TM9SF2: variants seen among roughly 807,000 people sequenced by gnomAD.
TM9SF2 encodes the protein transmembrane 9 superfamily member 2, also known as 76 kDa membrane protein.
In TM9SF2, 13 loss-of-function variants were observed where a neutral mutation model predicts 84.9. The observed-to-expected ratio is 0.15, with a 90% CI of 0.10 to 0.24. The LOEUF is 0.24. Among genes scored for constraint, TM9SF2 ranks in the 10% least tolerant of loss-of-function variants. TM9SF2 has a pLI of 1.00. For missense variants in TM9SF2, 562 were observed against 818.5 expected, an observed-to-expected ratio of 0.69 and a Z score of 3.82; for synonymous variants, 273 against 285.8, an observed-to-expected ratio of 0.96 and a Z score of 0.45.
chr13:99,509,294 C>G (rs1160523733), intron 1 of TM9SF2, among the ~76,000 whole-genome samples: 1 of 152,150 alleles, frequency 6.6e-6, no homozygotes, highest in African/African-American at 2.4e-5. Flanking sequence ...GACAATGTCC[C>G]CCTTCTCACA....
At chr13:99,547,239 C>A in intron 11 of TM9SF2, 135 bp downstream of exon 11, 1 of 1,256,080 alleles carries the variant, frequency 8.0e-7, no homozygotes. Flanking sequence ...TTAAAAGGAG[C>A]CTGCTTGGTG....
intron 7 of TM9SF2, 195 bp from the exon 8 acceptor site, chr13:99,540,519 C>A: frequency 1.9e-5 from 4 of 215,434 alleles, no homozygotes; most frequent in Non-Finnish European, 3.4e-5. Flanking sequence ...TTTTTGGTTG[C>A]ATAATCTTAC....
intron 1 of TM9SF2, among the ~76,000 whole-genome samples, chr13:99,516,381 G>C (rs1340400926): frequency 6.6e-6 from 1 of 152,208 alleles, no homozygotes; most frequent in Admixed American, 6.5e-5. Context: ...CTCATGACTA[G>C]TCCAAAGGCA....
intron 13 of TM9SF2, 126 bp downstream of exon 13, chr13:99,552,452 G>A (rs2046309099): frequency 1.0e-6 from 1 of 983,978 alleles, no homozygotes; most frequent in Non-Finnish European, 1.5e-6. Context: ...GGATTTCATA[G>A]AATATTTTTA....
chr13:99,544,027 A>G (rs1233801080), intron 10 of TM9SF2, 32 bp downstream of exon 10: 1 of 1,609,682 alleles, frequency 6.2e-7, no homozygotes, highest in Non-Finnish European at 8.5e-7. Flanking sequence ...TCAAGTAGAA[A>G]ATACTTTCTA....
chr13:99,541,620 C>T lies in TM9SF2; in HGVS notation c.970C>T (p.Arg324Trp). The T allele has an allele frequency of 1.9e-6, 3 of 1,613,044 alleles. No homozygotes were observed. Among genetic ancestry groups the T allele is most frequent in the Non-Finnish European group, 1.7e-6 (2 of 1,179,486 alleles). ...LSGMVAMIML[R>W]TLHKDIARYN... ...TGGAATGGTAGCTATGATTATGTTA[C>T]GGACACTGCACAAAGATATTGCTAG... Residue 324 changes from arginine to tryptophan, a missense_variant, in exon 9 of 17, where the codon CGG becomes TGG. Transcript: ENST00000376387.
intron 1 of TM9SF2, among the ~76,000 whole-genome samples, chr13:99,516,628 A>G (rs2046135788): frequency 6.6e-6 from 1 of 152,192 alleles, no homozygotes; most frequent in African/African-American, 2.4e-5. Context: ...AGGAAAGTGT[A>G]GCTTAAAATT....
At position 99,517,737 on chromosome 13, in the gene TM9SF2, G is replaced by T; in HGVS notation, c.239+56G>T. Reference sequence around the variant, plus strand: ...ATTTTATGTGACTCATCAGAATTTTGTACATTGAGAACTTTGTTTTCTCAC... The same window carrying T: ...ATTTTATGTGACTCATCAGAATTTTTTACATTGAGAACTTTGTTTTCTCAC... On this transcript the variant is annotated intron_variant, in intron 2 of 16. Transcript: ENST00000376387. 3 of 1,251,380 alleles carry T rather than the reference G, an allele frequency of 2.4e-6. No individual in the cohort carries two copies. The South Asian group carries it at 4.3e-5, about 18-fold the overall frequency. 77.5% of individuals were successfully genotyped at this position (1,251,380 alleles called of 1,614,324 possible).
chr13:99,520,033 C>G lies in TM9SF2; in HGVS notation c.240-3C>G, dbSNP rs778563838. The G allele has an allele frequency of 5.3e-5, 86 of 1,611,452 alleles. No homozygotes were observed. The highest frequency in any genetic ancestry group is 7.1e-5 in the Non-Finnish European group (84 of 1,179,220). On this transcript the variant is annotated splice_polypyrimidine_tract_variant and splice_region_variant and intron_variant, in intron 2 of 16. Transcript: ENST00000376387. ...TGTAAAAATTTAAATATTCTTCTCC[C>G]AGGTTTGATTTTTGCCAAGCATCAG...
chr13:99,502,609 T>C (rs2046071545), intron 1 of TM9SF2, among the ~76,000 whole-genome samples: 1 of 152,222 alleles, frequency 6.6e-6, no homozygotes, highest in Non-Finnish European at 1.5e-5. Context: ...GTTTAATTGC[T>C]AGTAAAAGAG....
chr13:99,501,793 C>G lies in TM9SF2; in HGVS notation c.171+16C>G. 6.2e-7 allele frequency: 1 copy of G among 1,603,904 alleles called. No individual in the cohort carries two copies. Among genetic ancestry groups the G allele is most frequent in the Non-Finnish European group, 8.5e-7 (1 of 1,177,806 alleles). On this transcript the variant is annotated intron_variant, in intron 1 of 16. Transcript: ENST00000376387. ...CGAGTGCAAGGTGGGTGAGGCCTGA[C>G]GAGCCCTCTGATGCACTGTTGGAAG...
At position 99,563,016 on chromosome 13, in the gene TM9SF2, G is replaced by T; in HGVS notation, c.*258G>T. 1 of 334,178 alleles carries T rather than the reference G, an allele frequency of 3.0e-6. No individual in the cohort carries two copies. Among genetic ancestry groups the T allele is most frequent in the Non-Finnish European group, 5.4e-6 (1 of 184,640 alleles). The allele number at this position is 334,178 out of a possible 1,614,324, so 20.7% of individuals were successfully genotyped here. A position where few individuals can be genotyped will look rare whatever the true frequency, so the allele number is the denominator to read the frequency against. On this transcript the variant is annotated 3_prime_UTR_variant, in exon 17 of 17. Coordinates refer to ENST00000376387, the MANE Select transcript of TM9SF2 (RefSeq NM_004800.3). ...TGAAGAGCAAATTTAAATATTATGTGCATTTGTAAATACAGTAGCTATAAA... is the reference window on the plus strand; with the variant it reads ...TGAAGAGCAAATTTAAATATTATGTTCATTTGTAAATACAGTAGCTATAAA...
At chr13:99,521,131 A>G (rs890659982) in intron 3 of TM9SF2, among the ~76,000 whole-genome samples, 1 of 152,212 alleles carries the variant, frequency 6.6e-6, no homozygotes. Flanking sequence ...AGTTTATTAT[A>G]ATAATGTATC....
Position 99,529,500 on chromosome 13 carries a change from G to C in TM9SF2, c.367G>C (p.Val123Leu). The change falls in exon 4 of 17, where the codon GTT (valine) becomes CTT (leucine). Residue 123 changes from valine (V) to leucine (L), a missense_variant. Physicochemically the swap from Val to Leu is conservative, Grantham distance 32. Coordinates refer to ENST00000376387, the MANE Select transcript of TM9SF2 (RefSeq NM_004800.3). Reference protein sequence around the residue: ...TFNKKETCKLVCTKTYHTEKA... With the variant: ...TFNKKETCKLLCTKTYHTEKA... ...TAATAAGAAGGAGACCTGTAAGCTT[G>C]TTTGTACAAAAACATACCATACAGA... 6.3e-7 allele frequency: 1 copy of C among 1,585,488 alleles called. No homozygotes were observed. Among genetic ancestry groups the C allele is most frequent in the Non-Finnish European group, 8.5e-7 (1 of 1,170,818 alleles).
chr13:99,551,275 G>T (rs538201501), intron 12 of TM9SF2, among the ~76,000 whole-genome samples: 1 of 152,320 alleles, frequency 6.6e-6, no homozygotes, highest in South Asian at 2.1e-4. Context: ...CATTGTGAAG[G>T]TGTTTGGAAA....
chr13:99,521,909 G>A (rs1194494722), intron 3 of TM9SF2, among the ~76,000 whole-genome samples: 1 of 152,122 alleles, frequency 6.6e-6, no homozygotes, highest in Non-Finnish European at 1.5e-5. Context: ...GTCTCACTCT[G>A]TTGCCCAGGC....
rs1409915728 is a variant in TM9SF2, at chr13:99,529,696, T to G, written c.461+102T>G. ...CTTGATTGTGTAAAATATAGCAAAT[T>G]AATTGATTTCCTTTTTTTTGTTACT... On this transcript the variant is annotated intron_variant, in intron 4 of 16. Transcript: ENST00000376387. The G allele has an allele frequency of 2.4e-6, 3 of 1,255,280 alleles. No individual in the cohort carries two copies. In the African/African-American group the frequency reaches 4.7e-5, roughly 20 times the overall value. 77.8% of individuals were successfully genotyped at this position (1,255,280 alleles called of 1,614,324 possible). A position where few individuals can be genotyped will look rare whatever the true frequency, so the allele number is the denominator to read the frequency against.
chr13:99,516,717 T>C (rs1270383089), intron 1 of TM9SF2, among the ~76,000 whole-genome samples: 3 of 152,220 alleles, frequency 2.0e-5, no homozygotes, highest in Non-Finnish European at 4.4e-5. Context: ...ATTGCCACCT[T>C]CTTCACTGCT....
intron 1 of TM9SF2, among the ~76,000 whole-genome samples, chr13:99,515,894 G>A (rs1288558332): frequency 6.6e-6 from 1 of 151,966 alleles, no homozygotes; most frequent in Admixed American, 6.6e-5. Flanking sequence ...CAATACACCC[G>A]GCTAATTTTG....
Sources: allele counts gnomAD v4.1 joint callset (sites outside exome capture counted in the v4.1 genomes callset), GRCh38; gene constraint gnomAD v4.1.1; transcripts MANE v1.5; gene names NCBI Gene and HGNC (gene_info 2026-07-23, HGNC 2026-07-21).